Variants in IRX6 observed in about 807,000 individuals in gnomAD.
The protein encoded by IRX6 is iroquois homeobox 6.
A neutral mutation model predicts 47.7 loss-of-function variants in IRX6; 46 were observed. That is an observed-to-expected ratio of 0.96 (90% CI 0.76 to 1.23). The LOEUF (loss-of-function observed/expected upper bound fraction) is 1.23, where lower values mean the gene tolerates loss of function less well. IRX6 is among the 50% of genes most tolerant of loss of function. The probability of loss-of-function intolerance (pLI) is 0.00; values close to 1 mark genes in which losing one functional copy is unlikely to be tolerated. For synonymous variants in IRX6, 265 were observed against 246.2 expected (o/e 1.08, Z -0.72); for missense variants, 722 against 588.0 (o/e 1.23, Z -2.36).
At position 55,327,375 on chromosome 16, in the gene IRX6, A is replaced by G. The variant is rs1427728061; in HGVS notation, c.383A>G (p.Glu128Gly). ...CAACCAGGAGCCTATTATCCCTATG[A>G]GCGGACTCTGGGGCAGTACCAATAT... ...LAQPGAYYPYERTLGQYQYER... is the reference protein window; with the variant it reads ...LAQPGAYYPYGRTLGQYQYER... The change falls in exon 3 of 6, where the codon GAG becomes GGG. Residue 128 changes from glutamate to glycine, a missense_variant. By Grantham distance (98) the Glu-to-Gly change is moderately conservative. Coordinates refer to ENST00000290552, the MANE Select transcript of IRX6 (RefSeq NM_024335.3). The G allele has an allele frequency of 3.1e-6, 5 of 1,613,780 alleles. No homozygotes were observed. Among genetic ancestry groups the G allele is most frequent in the Non-Finnish European group, 4.2e-6 (5 of 1,179,732 alleles).
intron 4 of IRX6, 61 bp downstream of exon 4, chr16:55,327,954 T>C: frequency 6.6e-7 from 1 of 1,509,160 alleles, no homozygotes; most frequent in Non-Finnish European, 8.9e-7. Flanking sequence ...CAGTTTGGTC[T>C]TTCAAAAGCT....
At position 55,327,728 on chromosome 16, in the gene IRX6, A is replaced by G; in HGVS notation, c.556A>G (p.Thr186Ala). The change falls in exon 4 of 6, where the codon ACC (threonine) becomes GCC (alanine). Residue 186 changes from threonine to alanine, a missense_variant. Transcript: ENST00000290552. ...KGEKIMLAII[T>A]KMTLTQVSTW... ...TGAGAAGATCATGCTGGCCATCATCACCAAGATGACCCTCACCCAGGTGTC... is the reference window on the plus strand; with the variant it reads ...TGAGAAGATCATGCTGGCCATCATCGCCAAGATGACCCTCACCCAGGTGTC... 1 of 1,612,348 alleles carries G rather than the reference A, an allele frequency of 6.2e-7. No homozygotes were observed. The highest frequency in any genetic ancestry group is 8.5e-7 in the Non-Finnish European group (1 of 1,179,986).
At position 55,326,653 on chromosome 16, in the gene IRX6, A is replaced by T. The variant is rs1288744698; in HGVS notation, c.303+60A>T. The T allele has an allele frequency of 8.3e-6, 12 of 1,444,190 alleles. No homozygotes were observed. In the Admixed American group the frequency reaches 3.1e-4, roughly 37 times the overall value. 89.5% of individuals were successfully genotyped at this position (1,444,190 alleles called of 1,614,324 possible). ...AGTAGAGACAGGTGAAATCCAGAGA[A>T]AGTCAAGGAAAGACCCACACCTCCC... is the stretch of plus-strand genomic sequence containing the variant. On this transcript the variant is annotated intron_variant, in intron 2 of 5. Transcript: ENST00000290552.
At position 55,326,410 on chromosome 16, in the gene IRX6, C is replaced by T. The variant is rs1221927734; in HGVS notation, c.120C>T (p.Gly40=). 6.2e-7 allele frequency: 1 copy of T among 1,614,044 alleles called. No homozygotes were observed. Among genetic ancestry groups the T allele is most frequent in the Admixed American group, 1.7e-5 (1 of 60,018 alleles). ...TQRSVSDVAS[G]STPAPALCCA... Reference sequence around the variant, plus strand: ...GCTCTGTCTCAGATGTGGCATCAGGCTCCACCCCAGCGCCCGCTCTCTGCT... The same window carrying T: ...GCTCTGTCTCAGATGTGGCATCAGGTTCCACCCCAGCGCCCGCTCTCTGCT... Residue 40 remains glycine (G), a synonymous_variant, in exon 2 of 6, where the codon GGC becomes GGT. Transcript: ENST00000290552.
At chr16:55,327,496 GA>G (rs1299426771) in intron 3 of IRX6, 89 bp from the exon 4 acceptor site, 13 of 1,571,544 alleles carry the variant, frequency 8.3e-6, no homozygotes, top group African/African-American at 1.4e-5. Context: ...GAGAGGGAGG[GA>G]GCTGAACCAC....
At chr16:55,325,409 T>A (rs1960491834) in intron 1 of IRX6, among the ~76,000 whole-genome samples, 1 of 149,850 alleles carries the variant, frequency 6.7e-6, no homozygotes, top group Non-Finnish European at 1.5e-5. Context: ...GATCTCCCAG[T>A]CAGGCCTCCT....
In IRX6 at chr16:55,326,525, G is replaced by A. The variant is rs1402800149; in HGVS notation, c.235G>A (p.Ala79Thr). 1.2e-6 allele frequency: 2 copies of A among 1,601,788 alleles called. No individual in the cohort carries two copies. Among genetic ancestry groups the A allele is most frequent in the Non-Finnish European group, 1.7e-6 (2 of 1,173,932 alleles). ...GIYGAPYAAA[A>T]AAQSYPGYLP... ...CTATGGAGCACCCTATGCGGCCGCT[G>A]CAGCTGCCCAGAGCTACCCTGGCTA... Residue 79 changes from alanine to threonine, a missense_variant, in exon 2 of 6, where the codon GCA becomes ACA. By Grantham distance (58) the Ala-to-Thr change is moderately conservative (BLOSUM62 0). Transcript: ENST00000290552.
rs1567338208 is a variant in IRX6 at position 55,324,882 on chromosome 16, CG to C, written c.-207del. 5.0e-6 allele frequency: 3 copies of C among 597,426 alleles called. No individual in the cohort carries two copies. Among genetic ancestry groups the C allele is most frequent in the Non-Finnish European group, 8.9e-6 (3 of 335,384 alleles). 37.0% of individuals were successfully genotyped at this position (597,426 alleles called of 1,614,324 possible). On this transcript the variant is annotated 5_prime_UTR_variant, in exon 1 of 6. It removes the in-frame stop codon of an upstream open reading frame in the 5' UTR. Transcript: ENST00000290552. This position sits in a 1 kb window ranked among gnomAD's most constrained non-coding sequence, Gnocchi z 4.4. ...GGGCCCTTCTGTCTTCCGGACCCCA[CG>C]GGCCGGAGGGGCGCCTTCCGGAGCG...
chr16:55,326,234 T>C (rs1036165649), intron 1 of IRX6, 102 bp from the exon 2 acceptor site: 16 of 1,034,266 alleles, frequency 1.5e-5, no homozygotes, highest in Non-Finnish European at 2.2e-5. Context: ...AATCTGATTA[T>C]CTGATTTTCT....
Position 55,329,178 on chromosome 16 carries a change from C to T in IRX6, c.1200C>T (p.Cys400=). Residue 400 remains cysteine, a synonymous_variant, in exon 5 of 6, where the codon TGC becomes TGT. Transcript: ENST00000290552. ...TCTCAGTCCCCAGAGACTCCGCGTG[C>T]GACGAGTCTTCCTGCATACCCAAAG... ...RRLSVPRDSA[C]DESSCIPKAF... 4.3e-6 allele frequency: 7 copies of T among 1,614,140 alleles called. No individual in the cohort carries two copies. Among genetic ancestry groups the T allele is most frequent in the Non-Finnish European group, 5.9e-6 (7 of 1,180,034 alleles).
At position 55,327,397 on chromosome 16, in the gene IRX6, A is replaced by T; in HGVS notation, c.405A>T (p.Gln135His). Residue 135 changes from glutamine to histidine, a missense_variant, in exon 3 of 6, where the codon CAA becomes CAT. Gln to His is a conservative substitution (Grantham distance 24, BLOSUM62 0). Coordinates refer to ENST00000290552, the MANE Select transcript of IRX6 (RefSeq NM_024335.3). ...YPYERTLGQYQYERYGAVELS... is the reference protein window; with the variant it reads ...YPYERTLGQYHYERYGAVELS... ...ATGAGCGGACTCTGGGGCAGTACCAATATGAACGGTAAGGAGTGAAGGGCC... is the reference window on the plus strand; with the variant it reads ...ATGAGCGGACTCTGGGGCAGTACCATTATGAACGGTAAGGAGTGAAGGGCC... 1 of 1,612,294 alleles carries T rather than the reference A, an allele frequency of 6.2e-7. No homozygotes were observed. Among genetic ancestry groups the T allele is most frequent in the South Asian group, 1.1e-5 (1 of 91,030 alleles).
chr16:55,327,532 T>C, intron 3 of IRX6, 54 bp from the exon 4 acceptor site: 1 of 1,577,842 alleles, frequency 6.3e-7, no homozygotes, highest in Non-Finnish European at 8.6e-7. Context: ...GACTGTCCTC[T>C]GCCTGCAGTT....
intron 2 of IRX6, chr16:55,326,953 AG>A (rs1317260653): frequency 2.5e-5 from 1 of 39,890 alleles, no homozygotes; most frequent in Non-Finnish European, 4.3e-5. Context: ...GTTGTGGGGC[AG>A]GGGGCGGGGG....
chr16:55,326,627 C>G, intron 2 of IRX6, 34 bp downstream of exon 2: 1 of 1,469,244 alleles, frequency 6.8e-7, no homozygotes, highest in Non-Finnish European at 9.0e-7. Context: ...GGGGAGTGAG[C>G]AGTAGAGACA....
At chr16:55,328,634 G>A in intron 4 of IRX6, 66 bp from the exon 5 acceptor site, 5 of 1,539,124 alleles carry the variant, frequency 3.2e-6, no homozygotes, top group Middle Eastern at 1.8e-4. Flanking sequence ...GCTTCTCGGG[G>A]ATGGACATTC....
chr16:55,326,333 T>G lies in IRX6; in HGVS notation c.46-3T>G. On this transcript the variant is annotated splice_region_variant and splice_polypyrimidine_tract_variant and intron_variant, in intron 1 of 5. Transcript: ENST00000290552. Reference sequence around the variant, plus strand: ...TCCAGTGCCCTCTTTCTTGCCCCTATAGTTTCTGGCGTCGGCAAGTTCCAG... The same window carrying G: ...TCCAGTGCCCTCTTTCTTGCCCCTAGAGTTTCTGGCGTCGGCAAGTTCCAG... 6.2e-7 allele frequency: 1 copy of G among 1,610,964 alleles called. No individual in the cohort carries two copies. Among genetic ancestry groups the G allele is most frequent in the Non-Finnish European group, 8.5e-7 (1 of 1,178,340 alleles).
chr16:55,327,210 C>G, intron 2 of IRX6, 86 bp from the exon 3 acceptor site: 1 of 931,186 alleles, frequency 1.1e-6, no homozygotes, highest in Non-Finnish European at 1.7e-6. Context: ...AGTGGCCATA[C>G]TGGGATTTGA....
rs1010080404 is a variant in IRX6, at chr16:55,324,908, G to C, written c.-184G>C. 4 of 622,262 alleles carry C rather than the reference G, an allele frequency of 6.4e-6. No individual in the cohort carries two copies. In the Admixed American group the frequency reaches 1.1e-4, roughly 17 times the overall value. The allele number at this position is 622,262 out of a possible 1,614,324, so 38.5% of individuals were successfully genotyped here. On this transcript the variant is annotated 5_prime_UTR_variant, in exon 1 of 6. Coordinates refer to ENST00000290552, the MANE Select transcript of IRX6 (RefSeq NM_024335.3). This position sits in a 1 kb window ranked among gnomAD's most constrained non-coding sequence, Gnocchi z 4.4. ...GGGCCGGAGGGGCGCCTTCCGGAGC[G>C]CAGGGCTCGGCAGCCGGGCTGCCCT...
At chr16:55,326,296 G>GGGGGGGGT (rs1555483998) in intron 1 of IRX6, 40 bp from the exon 2 acceptor site, 2 of 1,471,942 alleles carry the variant, frequency 1.4e-6, no homozygotes, top group Non-Finnish European at 1.8e-6. Context: ...GGTGGGGGGG[G>GGGGGGGGT]GGTCTCTGAC....
Sources: allele counts gnomAD v4.1 joint callset (sites outside exome capture counted in the v4.1 genomes callset), GRCh38; gene constraint gnomAD v4.1.1; non-coding constraint Gnocchi (gnomAD v3.1); transcripts MANE v1.5; gene names NCBI Gene and HGNC (gene_info 2026-07-23, HGNC 2026-07-21).